ZC3H6: variants seen among roughly 807,000 people sequenced by gnomAD.
ZC3H6 encodes zinc finger CCCH-type containing 6.
A neutral mutation model predicts 107.7 loss-of-function variants in ZC3H6; 40 were observed. That is an observed-to-expected ratio of 0.37 (90% CI 0.29 to 0.48). The LOEUF (loss-of-function observed/expected upper bound fraction) is 0.48. Ranked by LOEUF, ZC3H6 falls within the 20% of genes least tolerant of loss-of-function variation. ZC3H6 has a pLI of 0.98. For synonymous variants in ZC3H6, 493 were observed against 487.9 expected, an observed-to-expected ratio of 1.01 and a Z score of -0.14; for missense variants, 1,267 against 1,410.4, an observed-to-expected ratio of 0.90 and a Z score of 1.63.
chr2:112,291,454 G>T (rs374681632), intron 1 of ZC3H6, among the ~76,000 whole-genome samples: 3 of 152,172 alleles, frequency 2.0e-5, no homozygotes, highest in African/African-American at 7.2e-5. Flanking sequence ...GGCTGGTCTC[G>T]AACTCCTGAC....
chr2:112,321,840 A>G lies in ZC3H6; in HGVS notation c.1061A>G (p.Lys354Arg). ...NCKFSHDDLT[K>R]ETKKLLDKVL... ...AAATTTTCCCATGATGATCTAACTA[A>G]AGAAACAAAGAAACTTTTGGACAAA... Residue 354 changes from lysine (K) to arginine (R), a missense_variant, in exon 8 of 12, where the codon AAA (lysine) becomes AGA (arginine). Physicochemically the swap from Lys to Arg is conservative, Grantham distance 26 (BLOSUM62 2). This residue lies in a region of ZC3H6 where 925 missense variants were observed against 1,025.7 expected (regional missense o/e 0.90). Coordinates refer to ENST00000409871, the MANE Select transcript of ZC3H6 (RefSeq NM_198581.3). 6.6e-7 allele frequency: 1 copy of G among 1,517,892 alleles called. No homozygotes were observed. 94.0% of individuals were successfully genotyped at this position (1,517,892 alleles called of 1,614,324 possible). A position where few individuals can be genotyped will look rare whatever the true frequency, so the allele number is the denominator to read the frequency against.
chr2:112,308,404 T>TTTTATTTTATTTATTTA (rs1553493702), intron 3 of ZC3H6, among the ~76,000 whole-genome samples: 11 of 138,310 alleles, frequency 8.0e-5, no homozygotes, highest in African/African-American at 2.8e-4. Context: ...TTTTATTTTA[T>TTTTATTTTATTTATTTA]TTTATTTATT....
At chr2:112,288,224 C>A (rs13429542) in intron 1 of ZC3H6, among the ~76,000 whole-genome samples, 25 of 151,588 alleles carry the variant, frequency 1.6e-4, no homozygotes, top group Non-Finnish European at 2.5e-4. Context: ...TTTTTTAAAC[C>A]TATTCCAGAT....
In ZC3H6 at chr2:112,336,195, C is replaced by CTTAA. The variant is rs2104731574; in HGVS notation, c.*3708_*3711dup. 6.6e-6 allele frequency: 1 copy of CTTAA among 152,270 alleles called. No homozygotes were observed. The highest frequency in any genetic ancestry group is 2.1e-4 in the South Asian group (1 of 4,830). 9.4% of individuals were successfully genotyped at this position (152,270 alleles called of 1,614,324 possible). A position where few individuals can be genotyped will look rare whatever the true frequency, so the allele number is the denominator to read the frequency against. On this transcript the variant is annotated 3_prime_UTR_variant, in exon 12 of 12. Transcript: ENST00000409871. ...GCTCCTAGGGACCAGGATATGAGAT[C>CTTAA]TTAAAGAGGCTGTCAGAATCTCTTC...
chr2:112,309,833 A>G (rs746519508), intron 3 of ZC3H6, 52 bp from the exon 4 acceptor site: 2 of 1,511,794 alleles, frequency 1.3e-6, no homozygotes, highest in Non-Finnish European at 1.8e-6. Flanking sequence ...GCTACTGTCA[A>G]TTGCTATATA....
intron 5 of ZC3H6, chr2:112,312,156 G>A (rs1469258547): frequency 1.1e-5 from 5 of 452,516 alleles, no homozygotes; most frequent in Non-Finnish European, 1.9e-5. Flanking sequence ...TGTTATGTTT[G>A]AAAGAACCTC....
chr2:112,315,403 T>C (rs1415868927), intron 5 of ZC3H6, among the ~76,000 whole-genome samples: 4 of 152,182 alleles, frequency 2.6e-5, no homozygotes, highest in African/African-American at 9.6e-5. Context: ...CCTGTTTGTT[T>C]GCCCTTTTTT....
At position 112,324,285 on chromosome 2, in the gene ZC3H6, C is replaced by G. The variant is rs1676860416; in HGVS notation, c.1474C>G (p.Pro492Ala). The G allele has an allele frequency of 3.1e-6, 5 of 1,614,010 alleles. No homozygotes were observed. Among genetic ancestry groups the G allele is most frequent in the Non-Finnish European group, 3.4e-6 (4 of 1,179,874 alleles). ...GPNMSQGHSS[P>A]VMHPGSPGHH... ...TAACATGTCTCAGGGACACAGTAGT[C>G]CTGTGATGCACCCAGGCTCCCCTGG... Residue 492 changes from proline to alanine, a missense_variant, in exon 10 of 12, where the codon CCT becomes GCT. This residue lies in a region of ZC3H6 where 925 missense variants were observed against 1,025.7 expected (regional missense o/e 0.90). Coordinates refer to ENST00000409871, the MANE Select transcript of ZC3H6 (RefSeq NM_198581.3).
At chr2:112,289,768 A>G (rs1346283361) in intron 1 of ZC3H6, among the ~76,000 whole-genome samples, 1 of 146,506 alleles carries the variant, frequency 6.8e-6, no homozygotes. Context: ...TTTTTGAGAC[A>G]GGGTCTCTGT....
chr2:112,291,013 T>C (rs1676102869), intron 1 of ZC3H6, among the ~76,000 whole-genome samples: 1 of 152,226 alleles, frequency 6.6e-6, no homozygotes. Flanking sequence ...AAGTGTGCTT[T>C]TCTTGAGCAA....
At chr2:112,329,423 C>T (rs1676978260) in intron 11 of ZC3H6, among the ~76,000 whole-genome samples, 2 of 152,126 alleles carry the variant, frequency 1.3e-5, no homozygotes, top group Admixed American at 6.6e-5. Flanking sequence ...AAAGTAATTG[C>T]AGCAGGTAAA....
intron 1 of ZC3H6, among the ~76,000 whole-genome samples, chr2:112,287,942 A>T (rs1332496348): frequency 6.6e-6 from 1 of 152,248 alleles, no homozygotes; most frequent in Non-Finnish European, 1.5e-5. Context: ...AATAAAATAC[A>T]TGGCATGCCT....
In ZC3H6 at chr2:112,304,644, A is replaced by G. The variant is rs117535631; in HGVS notation, c.336+1293A>G. ...ATTTAGTCACCTCTTTAAAGGCCCTATCTCCAAATATACAGTATTTTGTGC... is the reference window on the plus strand; with the variant it reads ...ATTTAGTCACCTCTTTAAAGGCCCTGTCTCCAAATATACAGTATTTTGTGC... On this transcript the variant is annotated intron_variant, in intron 3 of 11. Coordinates refer to ENST00000409871, the MANE Select transcript of ZC3H6 (RefSeq NM_198581.3). 4.6e-5 allele frequency among the ~76,000 whole-genome samples: 7 copies of G among 152,290 alleles called. No individual in the cohort carries two copies. In the East Asian group the frequency reaches 7.7e-4, roughly 17 times the overall value.
At chr2:112,306,781 G>A (rs538470501) in intron 3 of ZC3H6, among the ~76,000 whole-genome samples, 2 of 152,262 alleles carry the variant, frequency 1.3e-5, no homozygotes, top group South Asian at 2.1e-4. Context: ...AATTGAGGAT[G>A]GGGTTTACTA....
intron 1 of ZC3H6, among the ~76,000 whole-genome samples, chr2:112,299,249 C>G (rs1676308973): frequency 6.7e-6 from 1 of 150,244 alleles, no homozygotes; most frequent in Non-Finnish European, 1.5e-5. Context: ...TGCACTCCAG[C>G]CTGGGCGTCA....
intron 7 of ZC3H6, among the ~76,000 whole-genome samples, chr2:112,320,884 C>T: frequency 6.6e-6 from 1 of 151,898 alleles, no homozygotes; most frequent in Non-Finnish European, 1.5e-5. Context: ...TTTGTTTTAG[C>T]TTGTGGCTGC....
chr2:112,304,024 A>G (rs1287818674), intron 3 of ZC3H6, among the ~76,000 whole-genome samples: 1 of 152,204 alleles, frequency 6.6e-6, no homozygotes, highest in African/African-American at 2.4e-5. Context: ...CAATGTTTAC[A>G]TATTATTTAC....
At chr2:112,278,328 A>T (rs1219125662) in intron 1 of ZC3H6, among the ~76,000 whole-genome samples, 1 of 152,096 alleles carries the variant, frequency 6.6e-6, no homozygotes, top group Non-Finnish European at 1.5e-5. Flanking sequence ...TATTTATTTT[A>T]TTTTTTTGAG....
intron 1 of ZC3H6, 145 bp downstream of exon 1, chr2:112,276,171 A>G: frequency 5.5e-6 from 3 of 547,456 alleles, no homozygotes; most frequent in Non-Finnish European, 8.3e-6. Context: ...TCTTATGTAA[A>G]CTGCTGGATC....
Sources: allele counts gnomAD v4.1 joint callset (sites outside exome capture counted in the v4.1 genomes callset), GRCh38; gene constraint gnomAD v4.1.1; regional missense constraint gnomAD v4.1.1; transcripts MANE v1.5; gene names NCBI Gene and HGNC (gene_info 2026-07-23, HGNC 2026-07-21).